Variants in GNA14 observed in about 807,000 individuals in gnomAD.
GNA14 encodes the protein G protein subunit alpha 14, also known as guanine nucleotide-binding protein subunit alpha-14.
GNA14 carries 50 observed loss-of-function variants against 42.0 expected under a neutral mutation model. The ratio of observed to expected loss-of-function variants is 1.19; its 90% CI spans 0.95 to 1.51. GNA14 has a LOEUF of 1.51. Ranked by LOEUF, GNA14 falls within the 40% of genes most tolerant of loss-of-function variation. The pLI is 0.00. For synonymous variants in GNA14, 173 were observed against 163.1 expected (o/e 1.06, Z -0.46); for missense variants, 473 against 446.2 (o/e 1.06, Z -0.54).
At chr9:77,427,071 C>T (rs756754464) in intron 5 of GNA14, among the ~76,000 whole-genome samples, 17 of 152,136 alleles carry the variant, frequency 1.1e-4, no homozygotes, top group African/African-American at 3.6e-4. Context: ...ACTTCCCAGA[C>T]AGTATACAGA....
rs1251469504 is a variant in GNA14, at chr9:77,434,505, G to T, written c.327C>A (p.Ile109=). The T allele has an allele frequency of 6.2e-7, 1 of 1,613,386 alleles. No homozygotes were observed. Among genetic ancestry groups the T allele is most frequent in the Non-Finnish European group, 8.5e-7 (1 of 1,179,728 alleles). Residue 109 remains isoleucine (I), a synonymous_variant, in exon 3 of 7, where the codon ATC becomes ATA. Transcript: ENST00000341700. ...CEQNKENAQI[I]REVEVDKVSM... ...AGACCTTGTCCACTTCCACTTCTCTGATTATCTGGGCATTTTCCTACTCAA... is the reference window on the plus strand; with the variant it reads ...AGACCTTGTCCACTTCCACTTCTCTTATTATCTGGGCATTTTCCTACTCAA...
intron 2 of GNA14, among the ~76,000 whole-genome samples, chr9:77,468,055 G>A (rs1836267432): frequency 1.3e-5 from 2 of 152,136 alleles, no homozygotes; most frequent in South Asian, 2.1e-4. Context: ...TAGAGGGTAT[G>A]AGATACACTG....
At chr9:77,575,470 C>T (rs1379076116) in intron 1 of GNA14, among the ~76,000 whole-genome samples, 4 of 152,172 alleles carry the variant, frequency 2.6e-5, no homozygotes, top group African/African-American at 9.7e-5. Context: ...CCTAAACTTT[C>T]CACATGAAAA....
At chr9:77,519,648 A>AG (rs1414783837) in intron 2 of GNA14, among the ~76,000 whole-genome samples, 1 of 152,134 alleles carries the variant, frequency 6.6e-6, no homozygotes, top group Non-Finnish European at 1.5e-5. Context: ...GAGACTACGT[A>AG]GGGTGGGAGG....
At chr9:77,551,171 C>T (rs1837781360) in intron 1 of GNA14, among the ~76,000 whole-genome samples, 1 of 152,172 alleles carries the variant, frequency 6.6e-6, no homozygotes. Context: ...TGCAAATCAA[C>T]AAGCAATGCA....
At chr9:77,595,799 C>T (rs1823455885) in intron 1 of GNA14, among the ~76,000 whole-genome samples, 1 of 151,672 alleles carries the variant, frequency 6.6e-6, no homozygotes. Context: ...TGTATTCTCT[C>T]AAGAGAGAGA....
intron 2 of GNA14, among the ~76,000 whole-genome samples, chr9:77,488,990 C>CA (rs1222888466): frequency 1.3e-5 from 2 of 152,012 alleles, no homozygotes; most frequent in Non-Finnish European, 2.9e-5. Context: ...ACCAAGAATT[C>CA]AAAATGGCAG....
rs59087574 is a variant in GNA14, at chr9:77,615,702, TACACACACACACACAC to T, written c.124+31952_124+31967del. Among the ~76,000 whole-genome samples the T allele has an allele frequency of 4.6e-3, 619 of 134,470 alleles. 6 individuals carry two copies. The highest frequency in any genetic ancestry group is 0.024 in the Middle Eastern group (6 of 252). 88.2% of individuals were successfully genotyped at this position (134,470 alleles called of 152,430 possible). On this transcript the variant is annotated intron_variant, in intron 1 of 6. Transcript: ENST00000341700. Reference sequence around the variant, plus strand: ...CCACTGCTGGTGGTTGAAAATGAAATACACACACACACACACACACACACACACACACACACACACA... The same window carrying T: ...CCACTGCTGGTGGTTGAAAATGAAATACACACACACACACACACACACACA...
chr9:77,562,663 C>G (rs904372715), intron 1 of GNA14, among the ~76,000 whole-genome samples: 1 of 152,072 alleles, frequency 6.6e-6, no homozygotes, highest in Admixed American at 6.6e-5. Flanking sequence ...AAATTTACAA[C>G]AAAAAAATTA....
chr9:77,576,758 C>A (rs1823134272), intron 1 of GNA14, among the ~76,000 whole-genome samples: 1 of 150,268 alleles, frequency 6.7e-6, no homozygotes, highest in Non-Finnish European at 1.5e-5. Flanking sequence ...ATTCATCCAG[C>A]AATGACTTGG....
chr9:77,564,904 G>A (rs1822942923), intron 1 of GNA14, among the ~76,000 whole-genome samples: 1 of 151,828 alleles, frequency 6.6e-6, no homozygotes, highest in Non-Finnish European at 1.5e-5. Flanking sequence ...CCAGTCCAGG[G>A]GCGTTCTTCC....
chr9:77,485,490 T>G lies in GNA14; in HGVS notation c.309+43579A>C, dbSNP rs999540658. Among the ~76,000 whole-genome samples the G allele has an allele frequency of 1.2e-4, 19 of 152,262 alleles. No homozygotes were observed. The East Asian group carries it at 3.5e-3, about 28-fold the overall frequency. On this transcript the variant is annotated intron_variant, in intron 2 of 6. Transcript: ENST00000341700. ...CCTAACACCTGTTAATAATTTGACTTCCTCTCAGGAATTACAAATGTTCTT... is the reference window on the plus strand; with the variant it reads ...CCTAACACCTGTTAATAATTTGACTGCCTCTCAGGAATTACAAATGTTCTT...
At chr9:77,528,197 G>T (rs1256410768) in intron 2 of GNA14, among the ~76,000 whole-genome samples, 1 of 152,006 alleles carries the variant, frequency 6.6e-6, no homozygotes, top group African/African-American at 2.4e-5. Flanking sequence ...GTCCTTAGGG[G>T]TCCATACTAA....
intron 6 of GNA14, among the ~76,000 whole-genome samples, chr9:77,424,597 G>A (rs572209432): frequency 2.6e-5 from 4 of 152,156 alleles, no homozygotes; most frequent in South Asian, 4.2e-4. Flanking sequence ...TCCAGGGAAC[G>A]GTTTACCTGG....
At chr9:77,643,652 C>G (rs1404220233) in intron 1 of GNA14, among the ~76,000 whole-genome samples, 1 of 152,102 alleles carries the variant, frequency 6.6e-6, no homozygotes, top group Non-Finnish European at 1.5e-5. Flanking sequence ...TATAACCAAT[C>G]CAATAAAACT....
chr9:77,428,221 G>A (rs1564010822), intron 5 of GNA14, among the ~76,000 whole-genome samples: 1 of 151,858 alleles, frequency 6.6e-6, no homozygotes, highest in Admixed American at 6.6e-5. Context: ...TGGGACTACA[G>A]GCGCCCACCA....
At chr9:77,454,055 C>T (rs1835958580) in intron 2 of GNA14, among the ~76,000 whole-genome samples, 1 of 152,200 alleles carries the variant, frequency 6.6e-6, no homozygotes, top group African/African-American at 2.4e-5. Flanking sequence ...GGCTCCTCGC[C>T]CGCTCCGTGC....
At chr9:77,558,083 A>G (rs374143619) in intron 1 of GNA14, among the ~76,000 whole-genome samples, 1 of 152,228 alleles carries the variant, frequency 6.6e-6, no homozygotes, top group Non-Finnish European at 1.5e-5. Flanking sequence ...AAACATAAAC[A>G]TATTTAAAAA....
intron 5 of GNA14, among the ~76,000 whole-genome samples, chr9:77,426,222 G>C (rs528518032): frequency 2.0e-5 from 3 of 152,240 alleles, no homozygotes; most frequent in Non-Finnish European, 4.4e-5. Context: ...AGGACGCACT[G>C]CTACTGGGAA....
Sources: allele counts gnomAD v4.1 joint callset (sites outside exome capture counted in the v4.1 genomes callset), GRCh38; gene constraint gnomAD v4.1.1; transcripts MANE v1.5; gene names NCBI Gene and HGNC (gene_info 2026-07-23, HGNC 2026-07-21).